SMR3B: variants seen among roughly 807,000 people sequenced by gnomAD.
The protein encoded by SMR3B is submaxillary gland androgen-regulated protein 3B.
For synonymous variants in SMR3B, 42 were observed against 36.1 expected (o/e 1.16, Z -0.59); for missense variants, 114 against 99.9 (o/e 1.14, Z -0.60).
In SMR3B at chr4:70,389,733, GC is replaced by G; in HGVS notation, c.128del (p.Pro43GlnfsTer68). The G allele has an allele frequency of 6.2e-7, 1 of 1,613,860 alleles. No homozygotes were observed. The highest frequency in any genetic ancestry group is 2.2e-5 in the East Asian group (1 of 44,862). On this transcript the variant is annotated frameshift_variant, in exon 3 of 3. Transcript: ENST00000304915. LOFTEE classifies it low-confidence loss of function (END_TRUNC). ...PGPLAPPQPF[G>X]PGFVPPPPPP... ...CCGCTGGCTCCTCCTCAACCTTTTG[GC>G]CCAGGATTTGTTCCACCACCTCCTC... is the stretch of plus-strand genomic sequence containing the variant.
intron 2 of SMR3B, 36 bp from the exon 3 acceptor site, chr4:70,389,627 A>G (rs998459692): frequency 1.9e-6 from 3 of 1,591,192 alleles, no homozygotes; most frequent in Non-Finnish European, 2.6e-6. Context: ...ACTGTGAAAT[A>G]TCTGATTTGA....
At position 70,390,062 on chromosome 4, in the gene SMR3B, A is replaced by G; in HGVS notation, c.*214A>G. The G allele has an allele frequency of 1.1e-6, 1 of 941,786 alleles. No homozygotes were observed. Among genetic ancestry groups the G allele is most frequent in the Non-Finnish European group, 1.7e-6 (1 of 578,856 alleles). 58.3% of individuals were successfully genotyped at this position (941,786 alleles called of 1,614,324 possible). A position where few individuals can be genotyped will look rare whatever the true frequency, so the allele number is the denominator to read the frequency against. ...AACTACTGCTTCTACTACCCAAAAT[A>G]TGAATTCCAACACTGCTTCCAAGAG... On this transcript the variant is annotated 3_prime_UTR_variant, in exon 3 of 3. Coordinates refer to ENST00000304915, the MANE Select transcript of SMR3B (RefSeq NM_006685.4).
chr4:70,386,425 CGT>C, intron 2 of SMR3B, among the ~76,000 whole-genome samples: 1 of 148,274 alleles, frequency 6.7e-6, no homozygotes, highest in African/African-American at 2.4e-5. Flanking sequence ...ATGTCCTTTA[CGT>C]GTGTGTGTAT....
At chr4:70,384,805 T>C (rs1732630696) in intron 2 of SMR3B, 2 of 585,926 alleles carry the variant, frequency 3.4e-6, no homozygotes, top group Admixed American at 3.7e-5. Context: ...AACAGATACG[T>C]ATAAATGTTA....
At chr4:70,384,769 C>G in intron 2 of SMR3B, 1 of 1,032,164 alleles carries the variant, frequency 9.7e-7, no homozygotes, top group Non-Finnish European at 1.4e-6. Context: ...CTGGACAGCT[C>G]AAGTCTGTGG....
intron 2 of SMR3B, among the ~76,000 whole-genome samples, chr4:70,385,438 C>T (rs1182407641): frequency 8.1e-6 from 1 of 122,736 alleles, no homozygotes; most frequent in African/African-American, 3.3e-5. Context: ...GACTCTCGCT[C>T]TGTCGCCCAG....
chr4:70,389,211 C>T (rs545982567), intron 2 of SMR3B, among the ~76,000 whole-genome samples: 1 of 152,318 alleles, frequency 6.6e-6, no homozygotes, highest in African/African-American at 2.4e-5. Flanking sequence ...TGCTCAGTCT[C>T]ACAAGGCTGA....
At chr4:70,386,044 C>A (rs1732659342) in intron 2 of SMR3B, among the ~76,000 whole-genome samples, 1 of 151,536 alleles carries the variant, frequency 6.6e-6, no homozygotes, top group Admixed American at 6.6e-5. Context: ...GAGGCTGAGG[C>A]AGGTGGTAAC....
intron 2 of SMR3B, chr4:70,384,803 C>T: frequency 3.4e-6 from 2 of 594,034 alleles, no homozygotes; most frequent in South Asian, 3.1e-5. Flanking sequence ...TAAACAGATA[C>T]GTATAAATGT....
intron 1 of SMR3B, 132 bp downstream of exon 1, chr4:70,383,344 C>G: frequency 6.6e-6 from 1 of 152,032 alleles, no homozygotes; most frequent in Non-Finnish European, 1.5e-5. Flanking sequence ...ACATAAGTAG[C>G]TTACATGAAA....
Position 70,389,806 on chromosome 4 carries a change from C to T in SMR3B, c.198C>T (p.Pro66=), listed in dbSNP as rs771473935. 2.5e-6 allele frequency: 4 copies of T among 1,613,876 alleles called. No individual in the cohort carries two copies. The South Asian group carries it at 3.3e-5, about 13-fold the overall frequency. ...GAATCCCACCTCCTCCTCCCGCACC[C>T]TATGGTCCAGGGATATTTCCACCAC... ...PGRIPPPPPA[P]YGPGIFPPPP... is the part of the protein sequence containing the mutation. The change falls in exon 3 of 3, where the codon CCC becomes CCT. Residue 66 remains proline, a synonymous_variant. Transcript: ENST00000304915.
intron 2 of SMR3B, among the ~76,000 whole-genome samples, chr4:70,386,925 CAG>C (rs1732676235): frequency 6.6e-6 from 1 of 152,182 alleles, no homozygotes; most frequent in Admixed American, 6.5e-5. Context: ...CATAATACCA[CAG>C]AATGTCATTA....
intron 2 of SMR3B, 157 bp downstream of exon 2, chr4:70,384,721 C>T: frequency 1.4e-6 from 2 of 1,400,762 alleles, no homozygotes; most frequent in Non-Finnish European, 1.9e-6. Context: ...AATTTAAAAT[C>T]TAATTTAAAT....
intron 2 of SMR3B, chr4:70,384,918 C>T (rs540793005): frequency 1.1e-5 from 2 of 179,670 alleles, no homozygotes; most frequent in South Asian, 2.7e-4. Context: ...ATCATTTACA[C>T]CAGAGTCACC....
Position 70,389,887 on chromosome 4 carries a change from G to A in SMR3B, c.*39G>A, listed in dbSNP as rs1364292791. ...ATCCTGATGCCCCAGGTTATCCACAGCCTCCTTCCCGACCAAGACCCTATC... is the reference window on the plus strand; with the variant it reads ...ATCCTGATGCCCCAGGTTATCCACAACCTCCTTCCCGACCAAGACCCTATC... On this transcript the variant is annotated 3_prime_UTR_variant, in exon 3 of 3. Transcript: ENST00000304915. 1.9e-6 allele frequency: 3 copies of A among 1,610,634 alleles called. No homozygotes were observed. The highest frequency in any genetic ancestry group is 3.3e-5 in the Admixed American group (2 of 59,934).
In SMR3B at chr4:70,390,207, T is replaced by C. The variant is rs1278172193; in HGVS notation, c.*359T>C. ...GAAAAAACCCATGCAGACATAACAT[T>C]TATACCAATGAGGCAAAAATAAAGA... On this transcript the variant is annotated 3_prime_UTR_variant, in exon 3 of 3. Transcript: ENST00000304915. 5.5e-6 allele frequency: 3 copies of C among 548,532 alleles called. No homozygotes were observed. Among genetic ancestry groups the C allele is most frequent in the Non-Finnish European group, 9.8e-6 (3 of 306,150 alleles). 34.0% of individuals were successfully genotyped at this position (548,532 alleles called of 1,614,324 possible).
chr4:70,388,499 C>G (rs1406462193), intron 2 of SMR3B, among the ~76,000 whole-genome samples: 1 of 152,126 alleles, frequency 6.6e-6, no homozygotes, highest in African/African-American at 2.4e-5. Context: ...GGTAATATTT[C>G]ACAACAAAAA....
intron 2 of SMR3B, among the ~76,000 whole-genome samples, chr4:70,386,872 C>T (rs370548278): frequency 2.0e-5 from 3 of 152,188 alleles, no homozygotes; most frequent in South Asian, 2.1e-4. Context: ...TCCATACATC[C>T]TGACTAGTCT....
intron 1 of SMR3B, among the ~76,000 whole-genome samples, 151 bp downstream of exon 1, chr4:70,383,363 C>A (rs934712956): frequency 1.3e-5 from 2 of 152,014 alleles, no homozygotes; most frequent in African/African-American, 4.8e-5. Context: ...AATTGTAAGT[C>A]ATTAAATGCA....
Sources: gnomAD v4.1 joint callset for allele counts (sites outside exome capture counted in the v4.1 genomes callset) on GRCh38, gnomAD v4.1.1 for gene constraint, MANE v1.5 for transcripts, NCBI Gene and HGNC (gene_info 2026-07-23, HGNC 2026-07-21) for gene names.